Variants in TXLNA observed in about 807,000 individuals in gnomAD.
TXLNA encodes the protein alpha-taxilin.
In TXLNA, 9 loss-of-function variants were observed where a neutral mutation model predicts 61.4. The observed-to-expected ratio is 0.15, with a 90% confidence interval of 0.09 to 0.26. The LOEUF is 0.26. Ranked by LOEUF, TXLNA falls within the 10% of genes least tolerant of loss-of-function variation. The probability of loss-of-function intolerance (pLI) is 1.00; values close to 1 mark genes in which losing one functional copy is unlikely to be tolerated. For missense variants in TXLNA, 565 were observed against 688.8 expected (o/e 0.82, Z 2.01); for synonymous variants, 257 against 267.7 (o/e 0.96, Z 0.39).
chr1:32,185,910 G>A (rs2124143958), intron 4 of TXLNA, among the ~76,000 whole-genome samples: 1 of 151,574 alleles, frequency 6.6e-6, no homozygotes, highest in Admixed American at 6.6e-5. Flanking sequence ...ATGTTGGCCA[G>A]GATGGTCTTG....
rs1273945793 is a variant in TXLNA at position 32,180,155 on chromosome 1, C to T, written c.-32-159C>T. ...AAAGCCTGCCCCGGCACGTCGGGCT[C>T]TCCTGACCCGCCAAGACCAGAGAGC... is the stretch of plus-strand genomic sequence containing the variant. On this transcript the variant is annotated intron_variant, in intron 1 of 10. Transcript: ENST00000373610. 9.8e-6 allele frequency: 7 copies of T among 712,130 alleles called. No homozygotes were observed. In the East Asian group the frequency reaches 1.8e-4, roughly 18 times the overall value. The allele number at this position is 712,130 out of a possible 1,614,324, so 44.1% of individuals were successfully genotyped here.
intron 4 of TXLNA, among the ~76,000 whole-genome samples, chr1:32,186,314 G>T (rs1413599087): frequency 6.6e-6 from 1 of 152,190 alleles, no homozygotes; most frequent in African/African-American, 2.4e-5. Flanking sequence ...AGAGGACGGG[G>T]CAGGTGGACT....
At position 32,192,014 on chromosome 1, in the gene TXLNA, T is replaced by C. The variant is rs2124159521; in HGVS notation, c.964-297T>C. On this transcript the variant is annotated intron_variant, in intron 6 of 10. Transcript: ENST00000373610. This position sits in a 1 kb window ranked among gnomAD's most constrained non-coding sequence, Gnocchi z 4.2. ...ACAGAAGTGAGGGCTTCCAGCCCCA[T>C]AGGTGATCAATCCTGGGGTCAGAGA... 6.6e-6 allele frequency among the ~76,000 whole-genome samples: 1 copy of C among 152,356 alleles called. No individual in the cohort carries two copies. Among genetic ancestry groups the C allele is most frequent in the South Asian group, 2.1e-4 (1 of 4,830 alleles).
intron 6 of TXLNA, 110 bp downstream of exon 6, chr1:32,190,359 C>T (rs1569621700): frequency 4.3e-6 from 3 of 697,392 alleles, no homozygotes; most frequent in Non-Finnish European, 3.9e-6. Context: ...CCCTTTCTTC[C>T]TCCTCCTCCT....
Position 32,194,167 on chromosome 1 carries a change from T to C in TXLNA, c.1347+7T>C. ...GCTTGAGATGGCTGAGGAGGTGGGC[T>C]GTCTGTGATCTGCAGCCAGGGTGGG... On this transcript the variant is annotated splice_region_variant and intron_variant, in intron 10 of 10. Coordinates refer to ENST00000373610, the MANE Select transcript of TXLNA (RefSeq NM_175852.4). 1 of 1,612,702 alleles carries C rather than the reference T, an allele frequency of 6.2e-7. No individual in the cohort carries two copies. The highest frequency in any genetic ancestry group is 8.5e-7 in the Non-Finnish European group (1 of 1,179,224).
In TXLNA at chr1:32,181,396, A is replaced by G. The variant is rs145256778; in HGVS notation, c.324A>G (p.Glu108=). ...CACAGGGTGAGCCGGCTGAACCCGA[A>G]GATGCAGAGAAGTCCCGGACCTATG... ...DGAQGEPAEP[E]DAEKSRTYVA... is the part of the protein sequence containing the mutation. Residue 108 remains glutamate, a synonymous_variant, in exon 3 of 11, where the codon GAA becomes GAG. Coordinates refer to ENST00000373610, the MANE Select transcript of TXLNA (RefSeq NM_175852.4). 6.2e-7 allele frequency: 1 copy of G among 1,614,228 alleles called. No homozygotes were observed. Among genetic ancestry groups the G allele is most frequent in the Non-Finnish European group, 8.5e-7 (1 of 1,180,042 alleles).
intron 4 of TXLNA, among the ~76,000 whole-genome samples, chr1:32,185,976 G>A (rs1440028222): frequency 6.6e-6 from 1 of 152,190 alleles, no homozygotes; most frequent in African/African-American, 2.4e-5. Flanking sequence ...GGGATTACAG[G>A]TGTGAGCCAC....
chr1:32,180,023 C>T (rs1438228271), intron 1 of TXLNA: 2 of 205,784 alleles, frequency 9.7e-6, no homozygotes. Context: ...GTCTCCGGCC[C>T]TGAGCCAATC....
intron 9 of TXLNA, among the ~76,000 whole-genome samples, 178 bp downstream of exon 9, chr1:32,193,478 C>T (rs1348520041): frequency 1.3e-5 from 2 of 152,002 alleles, no homozygotes; most frequent in Non-Finnish European, 2.9e-5. Context: ...TCCAGGTTGT[C>T]CCAGGGAATG....
At chr1:32,185,259 G>T (rs758119879) in intron 4 of TXLNA, among the ~76,000 whole-genome samples, 5 of 152,032 alleles carry the variant, frequency 3.3e-5, no homozygotes, top group Non-Finnish European at 7.4e-5. Flanking sequence ...TTGTAACATT[G>T]TTCAGTGGGT....
chr1:32,181,996 G>A (rs766451512), intron 3 of TXLNA, among the ~76,000 whole-genome samples: 6 of 152,014 alleles, frequency 3.9e-5, no homozygotes, highest in Non-Finnish European at 7.4e-5. Context: ...AGCTGGGCTG[G>A]CCATGGGGCC....
chr1:32,193,526 T>TTG (rs1557506779), intron 9 of TXLNA, among the ~76,000 whole-genome samples: 6 of 148,824 alleles, frequency 4.0e-5, no homozygotes, highest in African/African-American at 1.5e-4. Flanking sequence ...TTTTGGGGGG[T>TTG]TTGTTGTTGT....
chr1:32,185,542 G>A (rs1161341422), intron 4 of TXLNA, among the ~76,000 whole-genome samples: 8 of 148,584 alleles, frequency 5.4e-5, no homozygotes, highest in Non-Finnish European at 8.9e-5. Context: ...ACAGGCGCCC[G>A]CCACCATGCT....
chr1:32,194,773 T>G, intron 10 of TXLNA, 129 bp from the exon 11 acceptor site: 1 of 1,126,394 alleles, frequency 8.9e-7, no homozygotes, highest in East Asian at 2.4e-5. Context: ...CAACTAGGAC[T>G]GTTTCCTAGA....
Position 32,192,451 on chromosome 1 carries a change from T to A in TXLNA, c.1083+21T>A. 6.5e-7 allele frequency: 1 copy of A among 1,532,380 alleles called. No individual in the cohort carries two copies. Among genetic ancestry groups the A allele is most frequent in the African/African-American group, 2.4e-5 (1 of 41,974 alleles). 94.9% of individuals were successfully genotyped at this position (1,532,380 alleles called of 1,614,324 possible). A position where few individuals can be genotyped will look rare whatever the true frequency, so the allele number is the denominator to read the frequency against. On this transcript the variant is annotated intron_variant, in intron 7 of 10. Transcript: ENST00000373610. This position sits in a 1 kb window ranked among gnomAD's most constrained non-coding sequence, Gnocchi z 4.2. ...ATTTTGTGAGGCTCAGGCCCCAGGG[T>A]TGGGGTGGGGGTGGGAGGAGACAGG...
intron 5 of TXLNA, among the ~76,000 whole-genome samples, chr1:32,189,644 A>C (rs1440110024): frequency 6.6e-6 from 1 of 151,952 alleles, no homozygotes; most frequent in Non-Finnish European, 1.5e-5. Context: ...TCCCAGGTTC[A>C]AATGACTCCT....
At chr1:32,190,276 G>A (rs1642877846) in intron 6 of TXLNA, 27 bp downstream of exon 6, 3 of 1,564,056 alleles carry the variant, frequency 1.9e-6, no homozygotes, top group African/African-American at 2.7e-5. Flanking sequence ...CAGCAGTCAT[G>A]GCCCAGAAAT....
rs1557506016 is a variant in TXLNA, at chr1:32,192,412, C to T, written c.1065C>T (p.His355=). The change falls in exon 7 of 11, where the codon CAC becomes CAT. Residue 355 remains histidine, a synonymous_variant. Transcript: ENST00000373610. The surrounding 1 kb of genome is among the most constrained non-coding windows in gnomAD (Gnocchi z 4.2). ...QEMLKEAEER[H]QREKDFLLKE... ...TGCTAAAGGAGGCAGAAGAGCGGCACCAGCGGGAGAAGGATTTTGTGAGGC... is the reference window on the plus strand; with the variant it reads ...TGCTAAAGGAGGCAGAAGAGCGGCATCAGCGGGAGAAGGATTTTGTGAGGC... 3.1e-6 allele frequency: 5 copies of T among 1,613,972 alleles called. No individual in the cohort carries two copies. In the East Asian group the frequency reaches 1.1e-4, roughly 36 times the overall value.
intron 5 of TXLNA, among the ~76,000 whole-genome samples, chr1:32,189,743 A>G (rs1642864495): frequency 6.6e-6 from 1 of 152,026 alleles, no homozygotes. Context: ...GGGTTTCACC[A>G]TATTGGCCAG....
Sources: gnomAD v4.1 joint callset for allele counts (sites outside exome capture counted in the v4.1 genomes callset) on GRCh38, gnomAD v4.1.1 for gene constraint, Gnocchi (gnomAD v3.1) non-coding constraint, MANE v1.5 for transcripts, NCBI Gene and HGNC (gene_info 2026-07-23, HGNC 2026-07-21) for gene names.